The following TBC1D14 variants were observed in gnomAD, a reference collection of about 807,000 sequenced individuals.
The protein encoded by TBC1D14 is TBC1 domain family, member 14.
TBC1D14 carries 26 observed loss-of-function variants against 79.0 expected under a neutral mutation model. The ratio of observed to expected loss-of-function variants is 0.33; its 90% CI spans 0.24 to 0.46. The LOEUF (loss-of-function observed/expected upper bound fraction) is 0.46. Ranked by LOEUF, TBC1D14 falls within the 20% of genes least tolerant of loss-of-function variation. The pLI is 1.00. For missense variants in TBC1D14, 769 were observed against 887.6 expected, an observed-to-expected ratio of 0.87 and a Z score of 1.70; for synonymous variants, 394 against 349.9, an observed-to-expected ratio of 1.13 and a Z score of -1.40.
chr4:6,985,034 G>A (rs1287330400), intron 3 of TBC1D14, among the ~76,000 whole-genome samples: 1 of 152,194 alleles, frequency 6.6e-6, no homozygotes, highest in Non-Finnish European at 1.5e-5. Context: ...GCAATTTAAT[G>A]TGTTAATGTG....
intron 1 of TBC1D14, among the ~76,000 whole-genome samples, chr4:6,915,785 T>C (rs1238507838): frequency 2.0e-5 from 3 of 151,892 alleles, no homozygotes; most frequent in Non-Finnish European, 4.4e-5. Context: ...CAGGCCATCG[T>C]GGAGTAGGAA....
intron 2 of TBC1D14, among the ~76,000 whole-genome samples, chr4:6,963,875 C>T (rs1338284371): frequency 6.6e-6 from 1 of 152,074 alleles, no homozygotes. Flanking sequence ...CGGCTCACTG[C>T]AACCTCCGTC....
At chr4:6,959,106 G>A (rs1479803067) in intron 2 of TBC1D14, among the ~76,000 whole-genome samples, 1 of 151,800 alleles carries the variant, frequency 6.6e-6, no homozygotes. Context: ...GGGATGGTCT[G>A]CATCTCCTGA....
chr4:6,945,749 C>CAAAAA lies in TBC1D14; in HGVS notation c.723-21525_723-21521dup, dbSNP rs71173472. 3.2e-3 allele frequency among the ~76,000 whole-genome samples: 203 copies of CAAAAA among 64,130 alleles called. 3 individuals are homozygous for CAAAAA. The highest frequency in any genetic ancestry group is 0.014 in the Middle Eastern group (1 of 74). The allele number at this position is 64,130 out of a possible 152,430, so 42.1% of individuals were successfully genotyped here. ...GGGCAACTAGAGCAAAACTGCGTCT[C>CAAAAA]AAAAAAAAAAAAAAAAAAAAAAAAA... On this transcript the variant is annotated intron_variant, in intron 2 of 13. Coordinates refer to ENST00000409757, the MANE Select transcript of TBC1D14 (RefSeq NM_020773.3).
chr4:7,024,990 C>T lies in TBC1D14; in HGVS notation c.1758-14C>T, dbSNP rs1004727750. ...AGATTCAAAATCTGAAAAATTCCAA[C>T]TTTTACCCCCTAGGATCTTTACCTT... On this transcript the variant is annotated splice_polypyrimidine_tract_variant and intron_variant, in intron 12 of 13. Transcript: ENST00000409757. 2 of 1,611,414 alleles carry T rather than the reference C, an allele frequency of 1.2e-6. No individual in the cohort carries two copies. The highest frequency in any genetic ancestry group is 1.7e-6 in the Non-Finnish European group (2 of 1,178,182).
At chr4:6,970,632 G>C (rs1577101143) in intron 3 of TBC1D14, among the ~76,000 whole-genome samples, 1 of 152,288 alleles carries the variant, frequency 6.6e-6, no homozygotes, top group African/African-American at 2.4e-5. Flanking sequence ...CAGTTGGGTT[G>C]ACCTACCTCA....
intron 2 of TBC1D14, among the ~76,000 whole-genome samples, chr4:6,926,538 A>G (rs539888821): frequency 1.3e-5 from 2 of 152,324 alleles, no homozygotes; most frequent in African/African-American, 4.8e-5. Context: ...TGACATTGTT[A>G]TTGTGAGCCT....
intron 3 of TBC1D14, among the ~76,000 whole-genome samples, chr4:6,987,943 G>A (rs1718050307): frequency 6.6e-6 from 1 of 152,222 alleles, no homozygotes. Context: ...AACATTCCCA[G>A]TAACTTAGAG....
At chr4:7,028,956 A>G (rs973189037) in intron 13 of TBC1D14, among the ~76,000 whole-genome samples, 17 of 151,782 alleles carry the variant, frequency 1.1e-4, no homozygotes, top group African/African-American at 2.9e-4. Context: ...TTCCACCTCA[A>G]TCTCCCAAGT....
chr4:6,930,869 G>A lies in TBC1D14; in HGVS notation c.722+6758G>A, dbSNP rs1010617886. On this transcript the variant is annotated intron_variant, in intron 2 of 13. Coordinates refer to ENST00000409757, the MANE Select transcript of TBC1D14 (RefSeq NM_020773.3). ...GGCCTTTGTTTAAGTGTTTGCACAG[G>A]CACACACTTACTCTGGGTCTTCTTT... Among the ~76,000 whole-genome samples, 7 of 151,798 alleles carry A rather than the reference G, an allele frequency of 4.6e-5. No individual in the cohort carries two copies. The South Asian group carries it at 1.0e-3, about 23-fold the overall frequency.
chr4:6,948,089 C>T (rs1012570531), intron 2 of TBC1D14, among the ~76,000 whole-genome samples: 2 of 152,086 alleles, frequency 1.3e-5, no homozygotes, highest in African/African-American at 4.8e-5. Context: ...GAAGGCTGCA[C>T]GGGAGAGTGG....
intron 2 of TBC1D14, among the ~76,000 whole-genome samples, chr4:6,960,629 C>A (rs1187685603): frequency 1.3e-5 from 2 of 152,144 alleles, no homozygotes; most frequent in Non-Finnish European, 2.9e-5. Flanking sequence ...CTTTATCTGA[C>A]ATTAAAAAAT....
chr4:6,964,150 TA>T (rs34974069), intron 2 of TBC1D14, among the ~76,000 whole-genome samples: 130,591 of 152,080 alleles, frequency 0.86, 56,132 homozygotes, highest in East Asian at 0.97. Context: ...TACAGACTAA[TA>T]ATAGTGTTAG....
intron 2 of TBC1D14, among the ~76,000 whole-genome samples, chr4:6,930,019 G>A (rs754693274): frequency 3.3e-5 from 5 of 152,192 alleles, no homozygotes; most frequent in African/African-American, 9.6e-5. Flanking sequence ...CATGTGTAAC[G>A]TGATCAGAAA....
chr4:6,916,833 G>A (rs1278989100), intron 1 of TBC1D14, among the ~76,000 whole-genome samples: 5 of 152,220 alleles, frequency 3.3e-5, no homozygotes, highest in East Asian at 1.9e-4. Flanking sequence ...AGTGCCTCCC[G>A]TGGCAGGGTG....
At chr4:7,004,053 G>A (rs2078267673) in intron 7 of TBC1D14, among the ~76,000 whole-genome samples, 1 of 152,258 alleles carries the variant, frequency 6.6e-6, no homozygotes, top group Non-Finnish European at 1.5e-5. Flanking sequence ...ACCTGAGACT[G>A]GGCTGTGTCG....
At chr4:6,970,075 C>G (rs867960805) in intron 3 of TBC1D14, among the ~76,000 whole-genome samples, 12 of 152,184 alleles carry the variant, frequency 7.9e-5, no homozygotes, top group African/African-American at 2.9e-4. Flanking sequence ...TTGAGAGAGG[C>G]AGGCGCTGGG....
chr4:7,027,548 CCA>C (rs1221067212), intron 13 of TBC1D14, among the ~76,000 whole-genome samples: 5 of 147,502 alleles, frequency 3.4e-5, no homozygotes, highest in South Asian at 2.2e-4. Flanking sequence ...TACACAATCA[CCA>C]CACACCACAA....
chr4:6,976,253 T>G (rs1716702868), intron 3 of TBC1D14, among the ~76,000 whole-genome samples: 1 of 152,170 alleles, frequency 6.6e-6, no homozygotes, highest in African/African-American at 2.4e-5. Flanking sequence ...TGCAGACAAC[T>G]ATTGGAGTAA....
Sources: allele counts gnomAD v4.1 joint callset (sites outside exome capture counted in the v4.1 genomes callset), GRCh38; gene constraint gnomAD v4.1.1; transcripts MANE v1.5; gene names NCBI Gene and HGNC (gene_info 2026-07-23, HGNC 2026-07-21).